The following AK8 variants were observed in gnomAD, a reference collection of about 807,000 sequenced individuals.
AK8 encodes adenylate kinase 8.
A neutral mutation model predicts 54.6 loss-of-function variants in AK8; 44 were observed. The ratio of observed to expected loss-of-function variants is 0.81; its 90% CI spans 0.63 to 1.04. The LOEUF is 1.04. Among genes scored for constraint, AK8 ranks in the 50% least tolerant of loss-of-function variants. AK8 has a pLI of 0.00. For missense variants in AK8, 555 were observed against 613.6 expected, an observed-to-expected ratio of 0.90 and a Z score of 1.01; for synonymous variants, 239 against 245.6, an observed-to-expected ratio of 0.97 and a Z score of 0.25.
intron 11 of AK8, chr9:132,769,371 C>G (rs1272241713): frequency 6.6e-6 from 1 of 152,244 alleles, no homozygotes; most frequent in Non-Finnish European, 1.5e-5. Context: ...GCAAGGTTGA[C>G]TCGAATCTGA....
At chr9:132,814,278 CA>C (rs71376658) in intron 10 of AK8, among the ~76,000 whole-genome samples, 443 of 63,844 alleles carry the variant, frequency 6.9e-3, no homozygotes, top group African/African-American at 0.019. Flanking sequence ...TACCCTGTCT[CA>C]AAAAAAAAAA....
chr9:132,835,737 T>C (rs894089385), intron 5 of AK8, among the ~76,000 whole-genome samples: 5 of 152,192 alleles, frequency 3.3e-5, no homozygotes, highest in Non-Finnish European at 5.9e-5. Context: ...CCCATAATCC[T>C]AGCACTTTAG....
chr9:132,875,552 G>A (rs1222942694), intron 1 of AK8, among the ~76,000 whole-genome samples: 1 of 152,224 alleles, frequency 6.6e-6, no homozygotes, highest in Non-Finnish European at 1.5e-5. Context: ...CTTAGCAGAT[G>A]CTGTTCCCTC....
At chr9:132,768,273 T>G (rs1208332572) in intron 11 of AK8, among the ~76,000 whole-genome samples, 1 of 151,886 alleles carries the variant, frequency 6.6e-6, no homozygotes. Flanking sequence ...TTTTTAATTT[T>G]TTTTTTTTTT....
rs1041557712 is a variant in AK8 at position 132,799,762 on chromosome 9, C to G, written c.980-6987G>C. 2.0e-5 allele frequency among the ~76,000 whole-genome samples: 3 copies of G among 152,162 alleles called. No homozygotes were observed. Among genetic ancestry groups the G allele is most frequent in the African/African-American group, 7.2e-5 (3 of 41,422 alleles). ...CATACCTACACCGCACCCACACTGC[C>G]TCTCCTCATCCCTCACATTCGCTTC... is the stretch of plus-strand genomic sequence containing the variant. On this transcript the variant is annotated intron_variant, in intron 10 of 12. Transcript: ENST00000298545. This position sits in a 1 kb window ranked among gnomAD's most constrained non-coding sequence, Gnocchi z 5.0.
chr9:132,750,277 C>A (rs1010562343), intron 11 of AK8, among the ~76,000 whole-genome samples: 11 of 152,066 alleles, frequency 7.2e-5, no homozygotes, highest in Non-Finnish European at 1.0e-4. Context: ...TGCCACCACA[C>A]CCGGCTAATT....
At chr9:132,845,957 T>C (rs1460199793) in intron 5 of AK8, among the ~76,000 whole-genome samples, 3 of 152,074 alleles carry the variant, frequency 2.0e-5, no homozygotes, top group Non-Finnish European at 4.4e-5. Flanking sequence ...GTGAAAACTG[T>C]GCAGCCTTGT....
At chr9:132,747,404 T>C (rs936145046) in intron 11 of AK8, among the ~76,000 whole-genome samples, 9 of 151,632 alleles carry the variant, frequency 5.9e-5, no homozygotes, top group Non-Finnish European at 1.3e-4. Flanking sequence ...CTCCCCACCT[T>C]GGCCTCCCAA....
Position 132,853,007 on chromosome 9 carries a change from CA to C in AK8, c.402+1849del, listed in dbSNP as rs540987754. 1.5e-4 allele frequency among the ~76,000 whole-genome samples: 23 copies of C among 151,766 alleles called. No homozygotes were observed. In the South Asian group the frequency reaches 4.8e-3, roughly 32 times the overall value. On this transcript the variant is annotated intron_variant, in intron 5 of 12. Coordinates refer to ENST00000298545, the MANE Select transcript of AK8 (RefSeq NM_152572.3). ...ATAAATTCAGGAGCTCAGCAAACAC[CA>C]AAAAGAATAAGCCCAAAGAAATTCA...
chr9:132,737,961 G>T (rs1027931627), intron 11 of AK8, among the ~76,000 whole-genome samples: 3 of 152,194 alleles, frequency 2.0e-5, no homozygotes, highest in Non-Finnish European at 4.4e-5. Flanking sequence ...CTGAGCACAG[G>T]TGCTGGGACA....
chr9:132,776,773 C>A (rs953092119), intron 11 of AK8, among the ~76,000 whole-genome samples: 1 of 152,176 alleles, frequency 6.6e-6, no homozygotes, highest in Non-Finnish European at 1.5e-5. Flanking sequence ...CAGGAGAAGA[C>A]GATTCACAGG....
At chr9:132,746,781 C>T (rs145979664) in intron 11 of AK8, among the ~76,000 whole-genome samples, 429 of 152,266 alleles carry the variant, frequency 2.8e-3, no homozygotes, top group Middle Eastern at 0.01. Flanking sequence ...CCGGGCCACA[C>T]GTGAGGCGAG....
intron 10 of AK8, among the ~76,000 whole-genome samples, chr9:132,793,383 A>G (rs899936093): frequency 2.0e-5 from 3 of 152,168 alleles, no homozygotes; most frequent in African/African-American, 7.2e-5. Flanking sequence ...GACCATAGCA[A>G]CCACTATGGG....
chr9:132,839,826 G>GGC (rs1489297953), intron 5 of AK8, among the ~76,000 whole-genome samples: 1 of 147,316 alleles, frequency 6.8e-6, no homozygotes, highest in Non-Finnish European at 1.5e-5. Flanking sequence ...TTGCCGGGGG[G>GGC]GGGGGCGCAG....
chr9:132,860,102 C>G lies in AK8; in HGVS notation c.333+3563G>C, dbSNP rs1461848179. ...GGGGAGCCAGTCGCCAGCCAATGAC[C>G]TTGGCTGGTGTCCAGGGACAGCCAG... On this transcript the variant is annotated intron_variant, in intron 4 of 12. Coordinates refer to ENST00000298545, the MANE Select transcript of AK8 (RefSeq NM_152572.3). The surrounding 1 kb of genome is among the most constrained non-coding windows in gnomAD (Gnocchi z 4.4). 1.3e-5 allele frequency among the ~76,000 whole-genome samples: 2 copies of G among 152,078 alleles called. No homozygotes were observed. Among genetic ancestry groups the G allele is most frequent in the Non-Finnish European group, 2.9e-5 (2 of 68,028 alleles).
In AK8 at chr9:132,863,652, G is replaced by A; in HGVS notation, c.333+13C>T. On this transcript the variant is annotated intron_variant, in intron 4 of 12. Transcript: ENST00000298545. ...TGCTGTGTGCCTACCCCTGTCCCCGGGGCCAGTCCTACCTTCCTTTGCAGA... is the reference window on the plus strand; with the variant it reads ...TGCTGTGTGCCTACCCCTGTCCCCGAGGCCAGTCCTACCTTCCTTTGCAGA... 6.3e-7 allele frequency: 1 copy of A among 1,594,402 alleles called. No individual in the cohort carries two copies. The highest frequency in any genetic ancestry group is 8.6e-7 in the Non-Finnish European group (1 of 1,163,272).
chr9:132,840,203 A>G (rs1378611515), intron 5 of AK8, among the ~76,000 whole-genome samples: 1 of 152,140 alleles, frequency 6.6e-6, no homozygotes, highest in Non-Finnish European at 1.5e-5. Context: ...GAGAGGACAA[A>G]CATTCAAACC....
intron 4 of AK8, among the ~76,000 whole-genome samples, chr9:132,858,731 C>T (rs926557813): frequency 6.6e-6 from 1 of 152,080 alleles, no homozygotes; most frequent in East Asian, 1.9e-4. Flanking sequence ...GGTTAGGAGA[C>T]AGCAGGAACT....
chr9:132,767,578 C>T (rs1838777683), intron 11 of AK8, among the ~76,000 whole-genome samples: 4 of 152,144 alleles, frequency 2.6e-5, no homozygotes. Flanking sequence ...ATAGATCTGT[C>T]ATGTGATCCC....
Sources: allele counts gnomAD v4.1 joint callset (sites outside exome capture counted in the v4.1 genomes callset), GRCh38; gene constraint gnomAD v4.1.1; non-coding constraint Gnocchi (gnomAD v3.1); transcripts MANE v1.5; gene names NCBI Gene and HGNC (gene_info 2026-07-23, HGNC 2026-07-21).